PLCZ1: variants seen among roughly 807,000 people sequenced by gnomAD.
PLCZ1 encodes the protein phospholipase C zeta 1.
A neutral mutation model predicts 76.8 loss-of-function variants in PLCZ1; 64 were observed. The ratio of observed to expected loss-of-function variants is 0.83; its 90% CI spans 0.68 to 1.03. PLCZ1 has a LOEUF of 1.03. Ranked by LOEUF, PLCZ1 falls within the 50% of genes least tolerant of loss-of-function variation. PLCZ1 has a pLI of 0.00. For missense variants in PLCZ1, 751 were observed against 713.7 expected (o/e 1.05, Z -0.60); for synonymous variants, 248 against 230.8 (o/e 1.07, Z -0.68).
chr12:18,679,492 C>G (rs922560135), downstream of PLCZ1, among the ~76,000 whole-genome samples: 28 of 151,838 alleles, frequency 1.8e-4, no homozygotes, highest in African/African-American at 6.8e-4. Context: ...TGACAACATT[C>G]ATTTTTTCCA....
At chr12:18,724,058 C>T (rs1215872915) in intron 3 of PLCZ1, among the ~76,000 whole-genome samples, 2 of 151,920 alleles carry the variant, frequency 1.3e-5, no homozygotes, top group Admixed American at 6.6e-5. Context: ...AGAGTGGATT[C>T]GAAAGGTCAT....
At chr12:18,684,907 GT>G (rs1264152495) in intron 13 of PLCZ1, among the ~76,000 whole-genome samples, 1 of 151,892 alleles carries the variant, frequency 6.6e-6, no homozygotes, top group Non-Finnish European at 1.5e-5. Flanking sequence ...TTATAAGGCA[GT>G]TTTCCCCACT....
chr12:18,724,826 A>T (rs547573503), intron 3 of PLCZ1, among the ~76,000 whole-genome samples: 5 of 152,232 alleles, frequency 3.3e-5, no homozygotes, highest in African/African-American at 9.6e-5. Context: ...AATCCCTGAA[A>T]ATTTTGGTTA....
At position 18,688,230 on chromosome 12, in the gene PLCZ1, T is replaced by C. The variant is rs1273772030; in HGVS notation, c.1462-12A>G. On this transcript the variant is annotated splice_polypyrimidine_tract_variant and intron_variant, in intron 12 of 14. Coordinates refer to ENST00000266505, the MANE Select transcript of PLCZ1 (RefSeq NM_033123.4). ...ATACCACTGATGAGCTGCACAAATATATATGAATATAAGAATTTAGCAAGA... is the reference window on the plus strand; with the variant it reads ...ATACCACTGATGAGCTGCACAAATACATATGAATATAAGAATTTAGCAAGA... 4 of 1,596,352 alleles carry C rather than the reference T, an allele frequency of 2.5e-6. No individual in the cohort carries two copies. The highest frequency in any genetic ancestry group is 3.4e-6 in the Non-Finnish European group (4 of 1,172,556).
At chr12:18,673,170 G>A in the PLCZ1 span, among the ~76,000 whole-genome samples, 2 of 152,074 alleles carry the variant, frequency 1.3e-5, no homozygotes, top group Non-Finnish European at 2.9e-5. Context: ...TGTTTTTAAT[G>A]GTTAAATTGA....
intron 3 of PLCZ1, among the ~76,000 whole-genome samples, chr12:18,733,336 A>G (rs1408573607): frequency 2.0e-5 from 3 of 152,146 alleles, no homozygotes; most frequent in Non-Finnish European, 4.4e-5. Context: ...GTGGGATTCA[A>G]TTTTGGATAC....
the PLCZ1 span, chr12:18,648,130 C>A: frequency 1.6e-6 from 1 of 611,070 alleles, no homozygotes; most frequent in Non-Finnish European, 2.6e-6. Context: ...TCAAAGACAG[C>A]ACAGGGTATT....
At chr12:18,657,638 T>C in the PLCZ1 span, among the ~76,000 whole-genome samples, 1 of 152,108 alleles carries the variant, frequency 6.6e-6, no homozygotes, top group African/African-American at 2.4e-5. Context: ...ATACATACTT[T>C]AAAAAATCAG....
the PLCZ1 span, chr12:18,648,239 ACT>A: frequency 3.2e-6 from 1 of 308,412 alleles, no homozygotes; most frequent in East Asian, 4.7e-5. Context: ...TCAGTGGAGT[ACT>A]GATTGCATGA....
intron 3 of PLCZ1, among the ~76,000 whole-genome samples, chr12:18,729,680 A>G (rs1418198304): frequency 6.6e-6 from 1 of 152,118 alleles, no homozygotes; most frequent in Non-Finnish European, 1.5e-5. Flanking sequence ...TTCCTATAAA[A>G]TATTTTAAAT....
the PLCZ1 span, among the ~76,000 whole-genome samples, chr12:18,657,411 A>T: frequency 1.3e-5 from 2 of 152,132 alleles, no homozygotes; most frequent in Admixed American, 1.3e-4. Flanking sequence ...CTCAGGCTCT[A>T]TGAAAGCACA....
chr12:18,708,666 T>C (rs1020892796), intron 6 of PLCZ1, among the ~76,000 whole-genome samples: 8 of 152,118 alleles, frequency 5.3e-5, no homozygotes, highest in African/African-American at 1.7e-4. Context: ...CTCGCCAACA[T>C]TTGTTATCAT....
At chr12:18,645,708 T>C in the PLCZ1 span, among the ~76,000 whole-genome samples, 1 of 152,204 alleles carries the variant, frequency 6.6e-6, no homozygotes, top group Admixed American at 6.6e-5. Context: ...ATCTCATTTC[T>C]TCCTCCCTAT....
At chr12:18,670,067 A>T in the PLCZ1 span, among the ~76,000 whole-genome samples, 1 of 151,970 alleles carries the variant, frequency 6.6e-6, no homozygotes, top group Non-Finnish European at 1.5e-5. Flanking sequence ...ACCTCCTAAT[A>T]CCACCCCATT....
chr12:18,729,829 C>T (rs7964296), intron 3 of PLCZ1, among the ~76,000 whole-genome samples: 34,400 of 151,912 alleles, frequency 0.23, 4,084 homozygotes, highest in East Asian at 0.31. Context: ...GCCAAGATCA[C>T]AAAGTTATAT....
chr12:18,700,891 G>A (rs1470829875), intron 9 of PLCZ1, among the ~76,000 whole-genome samples: 1 of 151,766 alleles, frequency 6.6e-6, no homozygotes, highest in African/African-American at 2.4e-5. Flanking sequence ...TCTTTACTTG[G>A]GACCAGGGAA....
chr12:18,667,147 A>C, the PLCZ1 span, among the ~76,000 whole-genome samples: 2 of 152,206 alleles, frequency 1.3e-5, no homozygotes, highest in Non-Finnish European at 1.5e-5. Context: ...AAGGGGTCTC[A>C]AATAAGGTCT....
the PLCZ1 span, among the ~76,000 whole-genome samples, chr12:18,653,926 T>C: frequency 6.6e-6 from 1 of 152,132 alleles, no homozygotes; most frequent in Admixed American, 6.5e-5. Flanking sequence ...TAAAGGACTA[T>C]ACCTGTCAGC....
chr12:18,732,309 G>T (rs12312573), intron 3 of PLCZ1, among the ~76,000 whole-genome samples: 35,239 of 151,866 alleles, frequency 0.23, 4,253 homozygotes, highest in East Asian at 0.32. Flanking sequence ...ACACCACCAG[G>T]CCCAGCTAAT....
Sources: gnomAD v4.1 joint callset for allele counts (sites outside exome capture counted in the v4.1 genomes callset) on GRCh38, gnomAD v4.1.1 for gene constraint, MANE v1.5 for transcripts, NCBI Gene and HGNC (gene_info 2026-07-23, HGNC 2026-07-21) for gene names.